Variants in TSPAN8 observed in about 807,000 individuals in gnomAD.
The protein encoded by TSPAN8 is tetraspanin-8.
TSPAN8 carries 21 observed loss-of-function variants against 32.8 expected under a neutral mutation model. The ratio of observed to expected loss-of-function variants is 0.64; its 90% confidence interval spans 0.45 to 0.92. The LOEUF is 0.92. Among genes scored for constraint, TSPAN8 ranks in the 40% least tolerant of loss-of-function variants. The probability of loss-of-function intolerance (pLI) is 0.00; values close to 1 mark genes in which losing one functional copy is unlikely to be tolerated. For missense variants in TSPAN8, 269 were observed against 281.9 expected (o/e 0.95, Z 0.33); for synonymous variants, 95 against 94.6 (o/e 1.00, Z -0.03).
chr12:71,131,411 A>C (rs1236142226), intron 7 of TSPAN8, among the ~76,000 whole-genome samples: 1 of 152,114 alleles, frequency 6.6e-6, no homozygotes, highest in Non-Finnish European at 1.5e-5. Context: ...TTTAATTTTG[A>C]TAAGATCAGT....
chr12:71,139,343 C>A, intron 4 of TSPAN8: 2 of 451,190 alleles, frequency 4.4e-6, no homozygotes, highest in South Asian at 3.8e-5. Context: ...CCTGTCTTGC[C>A]CTTTGCTTCT....
intron 2 of TSPAN8, among the ~76,000 whole-genome samples, chr12:71,144,485 T>G (rs1872009584): frequency 6.6e-6 from 1 of 152,182 alleles, no homozygotes; most frequent in Non-Finnish European, 1.5e-5. Flanking sequence ...GGAAAGATTA[T>G]TTTTCCATGT....
chr12:71,151,206 G>GCTGGGC (rs1362784306), intron 2 of TSPAN8, among the ~76,000 whole-genome samples: 1 of 151,990 alleles, frequency 6.6e-6, no homozygotes, highest in Non-Finnish European at 1.5e-5. Context: ...TAGGACTACA[G>GCTGGGC]GTGTCAGCCA....
intron 8 of TSPAN8, among the ~76,000 whole-genome samples, chr12:71,127,284 C>CT (rs5799021): frequency 0.81 from 122,671 of 150,690 alleles, 50,072 homozygotes; most frequent in Admixed American, 0.86. Context: ...CTATAAAATG[C>CT]TTTGTTTTTG....
At chr12:71,128,213 C>T (rs1871402928) in intron 8 of TSPAN8, among the ~76,000 whole-genome samples, 1 of 152,164 alleles carries the variant, frequency 6.6e-6, no homozygotes, top group South Asian at 2.1e-4. Flanking sequence ...AAAGTAATAA[C>T]CCACAGTTTA....
chr12:71,139,430 C>T (rs11178648), intron 4 of TSPAN8, among the ~76,000 whole-genome samples: 44,379 of 151,804 alleles, frequency 0.29, 7,969 homozygotes, highest in Non-Finnish European at 0.41. Flanking sequence ...TGTATTATTT[C>T]GCACAATATC....
intron 8 of TSPAN8, among the ~76,000 whole-genome samples, chr12:71,128,642 T>A (rs965848631): frequency 9.0e-4 from 63 of 69,840 alleles, no homozygotes; most frequent in African/African-American, 2.1e-3. Context: ...ATCTTTCAGG[T>A]TTTTTTTTTT....
chr12:71,156,904 T>C (rs1301398802), intron 2 of TSPAN8: 2 of 152,214 alleles, frequency 1.3e-5, no homozygotes, highest in African/African-American at 4.8e-5. Flanking sequence ...TCATACCTTG[T>C]TTTTCCATTA....
Position 71,149,892 on chromosome 12 carries a change from C to T in TSPAN8, c.61-5679G>A, listed in dbSNP as rs187993529. On this transcript the variant is annotated intron_variant, in intron 2 of 8. Transcript: ENST00000247829. Reference sequence around the variant, plus strand: ...CATAAGGTCTGACTGCCTGTGGGGTCGAGCAAAAAGAGCCATATTTTTCTT... The same window carrying T: ...CATAAGGTCTGACTGCCTGTGGGGTTGAGCAAAAAGAGCCATATTTTTCTT... 2.1e-3 allele frequency among the ~76,000 whole-genome samples: 320 copies of T among 152,038 alleles called. 3 individuals are homozygous for T. The highest frequency in any genetic ancestry group is 7.1e-3 in the African/African-American group (294 of 41,476).
chr12:71,134,087 CA>C (rs952398724), intron 6 of TSPAN8, among the ~76,000 whole-genome samples: 1 of 151,912 alleles, frequency 6.6e-6, no homozygotes, highest in African/African-American at 2.4e-5. Flanking sequence ...ACCTCTGTGC[CA>C]AAGTTTGTTC....
At position 71,138,321 on chromosome 12, in the gene TSPAN8, G is replaced by T; in HGVS notation, c.262-91C>A. On this transcript the variant is annotated intron_variant, in intron 4 of 8. Coordinates refer to ENST00000247829, the MANE Select transcript of TSPAN8 (RefSeq NM_004616.3). ...GCACAGCACTTCTCTCTACAGCTGG[G>T]ATTATATCACAGTGAGAGTGTCAGT... 3 of 1,160,624 alleles carry T rather than the reference G, an allele frequency of 2.6e-6. No homozygotes were observed. In the South Asian group the frequency reaches 4.3e-5, roughly 17 times the overall value. The allele number at this position is 1,160,624 out of a possible 1,614,324, so 71.9% of individuals were successfully genotyped here. A position where few individuals can be genotyped will look rare whatever the true frequency, so the allele number is the denominator to read the frequency against.
chr12:71,149,856 G>A lies in TSPAN8; in HGVS notation c.61-5643C>T, dbSNP rs182625400. 9.8e-5 allele frequency among the ~76,000 whole-genome samples: 15 copies of A among 152,298 alleles called. No homozygotes were observed. In the East Asian group the frequency reaches 2.3e-3, roughly 23 times the overall value. ...AAATAACAGTGATTTTAGGGAACAA[G>A]GGAAGACAACCATAAGGTCTGACTG... On this transcript the variant is annotated intron_variant, in intron 2 of 8. Transcript: ENST00000247829.
intron 2 of TSPAN8, among the ~76,000 whole-genome samples, chr12:71,146,306 T>C (rs1796337): frequency 0.6 from 91,235 of 152,032 alleles, 28,715 homozygotes; most frequent in African/African-American, 0.79. Flanking sequence ...TCATTCTCAT[T>C]TGAGTGGAGA....
At chr12:71,146,728 C>T (rs1008047560) in intron 2 of TSPAN8, among the ~76,000 whole-genome samples, 1 of 152,110 alleles carries the variant, frequency 6.6e-6, no homozygotes, top group Non-Finnish European at 1.5e-5. Flanking sequence ...ATGGAACAGC[C>T]ATCATTTTAT....
At position 71,155,816 on chromosome 12, in the gene TSPAN8, C is replaced by A. The variant is rs530849421; in HGVS notation, c.60+1803G>T. Among the ~76,000 whole-genome samples the A allele has an allele frequency of 1.3e-5, 2 of 152,044 alleles. 1 individual carries two copies. Among genetic ancestry groups the A allele is most frequent in the South Asian group, 4.2e-4 (2 of 4,812 alleles). The stretch of plus-strand genomic sequence containing the variant: ...GTGCGAGCTCGGCTCACTGCAACCT[C>A]CCCCTGCCAGGTTCAAGCAATTCTC... On this transcript the variant is annotated intron_variant, in intron 2 of 8. Transcript: ENST00000247829.
intron 3 of TSPAN8, among the ~76,000 whole-genome samples, chr12:71,141,248 C>T (rs1022327061): frequency 6.6e-6 from 1 of 152,146 alleles, no homozygotes; most frequent in African/African-American, 2.4e-5. Flanking sequence ...TTTCAATTTA[C>T]GTATTTTGAA....
intron 2 of TSPAN8, among the ~76,000 whole-genome samples, chr12:71,152,104 A>T (rs982923330): frequency 1.7e-4 from 26 of 152,236 alleles, no homozygotes; most frequent in African/African-American, 6.3e-4. Flanking sequence ...ACAGGTTTTC[A>T]TAAAATAGCT....
chr12:71,143,683 G>C (rs188525904), intron 3 of TSPAN8, among the ~76,000 whole-genome samples: 2 of 152,254 alleles, frequency 1.3e-5, no homozygotes, highest in Admixed American at 1.3e-4. Context: ...TTAAAATACA[G>C]ATTCAAATTA....
chr12:71,139,611 T>C (rs1043950075), intron 4 of TSPAN8, 100 bp downstream of exon 4: 9 of 1,431,956 alleles, frequency 6.3e-6, no homozygotes, highest in Admixed American at 2.2e-5. Flanking sequence ...GGAGTTAGAG[T>C]TTCATCAATC....
Sources: gnomAD v4.1 joint callset for allele counts (sites outside exome capture counted in the v4.1 genomes callset) on GRCh38, gnomAD v4.1.1 for gene constraint, MANE v1.5 for transcripts, NCBI Gene and HGNC (gene_info 2026-07-23, HGNC 2026-07-21) for gene names.